Variants in ROBO2 observed in about 807,000 individuals in gnomAD.
ROBO2 encodes the protein roundabout guidance receptor 2.
A neutral mutation model predicts 160.8 loss-of-function variants in ROBO2; 53 were observed. The ratio of observed to expected loss-of-function variants is 0.33; its 90% CI spans 0.26 to 0.41. The LOEUF (loss-of-function observed/expected upper bound fraction) is 0.41. Among genes scored for constraint, ROBO2 ranks in the 10% least tolerant of loss-of-function variants. The pLI is 1.00. For missense variants in ROBO2, 1,577 were observed against 1,722.4 expected, an observed-to-expected ratio of 0.92 and a Z score of 1.49; for synonymous variants, 664 against 611.7, an observed-to-expected ratio of 1.09 and a Z score of -1.26.
intron 2 of ROBO2, among the ~76,000 whole-genome samples, chr3:76,867,524 C>T (rs1311313986): frequency 6.6e-6 from 1 of 152,116 alleles, no homozygotes; most frequent in East Asian, 1.9e-4. Context: ...ATTGCTAAAG[C>T]TCAATTTGGG....
intron 2 of ROBO2, among the ~76,000 whole-genome samples, chr3:75,973,745 G>T (rs1282717285): frequency 6.6e-6 from 1 of 151,640 alleles, no homozygotes; most frequent in African/African-American, 2.4e-5. Flanking sequence ...GAAATGAAAG[G>T]AGCTAAGTAG....
At chr3:76,018,373 G>C (rs2066465652) in intron 2 of ROBO2, among the ~76,000 whole-genome samples, 1 of 151,822 alleles carries the variant, frequency 6.6e-6, no homozygotes, top group African/African-American at 2.4e-5. Flanking sequence ...CACATATTAA[G>C]TATATAAGAA....
At chr3:76,194,544 A>G (rs1010346234) in intron 2 of ROBO2, among the ~76,000 whole-genome samples, 1 of 151,690 alleles carries the variant, frequency 6.6e-6, no homozygotes, top group Non-Finnish European at 1.5e-5. Context: ...GTTTTATGTA[A>G]TAAACTCTAT....
chr3:76,010,013 A>G (rs1208947073), intron 2 of ROBO2, among the ~76,000 whole-genome samples: 10 of 152,196 alleles, frequency 6.6e-5, no homozygotes, highest in East Asian at 1.9e-4. Context: ...TAATTTCTCA[A>G]TGGCATTCAA....
At chr3:77,594,844 T>C (rs2094260925) in intron 17 of ROBO2, among the ~76,000 whole-genome samples, 1 of 152,198 alleles carries the variant, frequency 6.6e-6, no homozygotes, top group East Asian at 1.9e-4. Context: ...GATCTTGCAA[T>C]ACCACTATAT....
chr3:76,143,335 TG>T (rs1351269785), intron 2 of ROBO2, among the ~76,000 whole-genome samples: 1 of 152,076 alleles, frequency 6.6e-6, no homozygotes, highest in Non-Finnish European at 1.5e-5. Flanking sequence ...CTGACTTAGC[TG>T]GGCATTTAAA....
intron 2 of ROBO2, among the ~76,000 whole-genome samples, chr3:77,001,899 T>C (rs1442283232): frequency 6.6e-6 from 1 of 152,144 alleles, no homozygotes; most frequent in African/African-American, 2.4e-5. Flanking sequence ...CTATCTTCTT[T>C]TATGTGTTTC....
At chr3:76,231,440 T>C (rs1704616310) in intron 2 of ROBO2, among the ~76,000 whole-genome samples, 2 of 152,194 alleles carry the variant, frequency 1.3e-5, no homozygotes, top group Admixed American at 1.3e-4. Context: ...CCTTGCCTGA[T>C]AGGTATACCG....
chr3:76,526,670 A>G (rs933582127), intron 2 of ROBO2, among the ~76,000 whole-genome samples: 1 of 151,982 alleles, frequency 6.6e-6, no homozygotes, highest in Non-Finnish European at 1.5e-5. Context: ...GCAGGGTGGT[A>G]AAGATATATT....
rs556319462 is a variant in ROBO2, at chr3:77,252,578, C to T, written c.388+154238C>T. 5.3e-5 allele frequency among the ~76,000 whole-genome samples: 8 copies of T among 151,284 alleles called. No individual in the cohort carries two copies. The East Asian group carries it at 1.2e-3, about 22-fold the overall frequency. ...ATCCCAGCACTTTGGGAGGCCGAGG[C>T]GGGCAGATCATGAGGTCAGGAGATG... On this transcript the variant is annotated intron_variant, in intron 2 of 25. Coordinates refer to ENST00000461745, the Ensembl canonical transcript of ROBO2.
At chr3:76,815,432 G>T (rs2065578710) in intron 2 of ROBO2, among the ~76,000 whole-genome samples, 1 of 149,436 alleles carries the variant, frequency 6.7e-6, no homozygotes. Context: ...AAGAAACACT[G>T]TCCAGAAAAA....
intron 2 of ROBO2, among the ~76,000 whole-genome samples, chr3:77,473,295 T>TAAGAAG (rs1224974153): frequency 6.6e-6 from 1 of 151,690 alleles, no homozygotes; most frequent in African/African-American, 2.4e-5. Context: ...AAAAAAATAA[T>TAAGAAG]AATAAGAAGA....
chr3:77,314,956 G>A (rs1330265460), intron 2 of ROBO2, among the ~76,000 whole-genome samples: 2 of 152,032 alleles, frequency 1.3e-5, no homozygotes, highest in East Asian at 3.9e-4. Context: ...AATCTACTTG[G>A]AAGTTTCGTA....
intron 2 of ROBO2, among the ~76,000 whole-genome samples, chr3:76,382,828 G>C (rs1419659589): frequency 6.6e-6 from 1 of 152,140 alleles, no homozygotes; most frequent in African/African-American, 2.4e-5. Flanking sequence ...ACTGAAAAAG[G>C]CCAAAGCATC....
chr3:76,215,362 C>T (rs139206599), intron 2 of ROBO2, among the ~76,000 whole-genome samples: 2,763 of 152,068 alleles, frequency 0.018, 37 homozygotes, highest in Non-Finnish European at 0.027. Flanking sequence ...CAAACTACTC[C>T]GATCTAAAGG....
chr3:76,883,324 C>T lies in ROBO2; in HGVS notation c.110-214690C>T, dbSNP rs3884328. 9.4e-3 allele frequency among the ~76,000 whole-genome samples: 1,427 copies of T among 152,200 alleles called. 13 individuals carry two copies. Among genetic ancestry groups the T allele is most frequent in the Middle Eastern group, 0.02 (6 of 294 alleles). On this transcript the variant is annotated intron_variant, in intron 2 of 26. Coordinates refer to the ROBO2 transcript ENST00000487694. Reference sequence around the variant, plus strand: ...ATCAGCATGTAAAAAATCTTTAAATCTCATTGAAACCTATTCTTAATTATT... The same window carrying T: ...ATCAGCATGTAAAAAATCTTTAAATTTCATTGAAACCTATTCTTAATTATT...
intron 2 of ROBO2, among the ~76,000 whole-genome samples, chr3:76,991,643 C>A (rs903645981): frequency 2.6e-5 from 4 of 152,140 alleles, no homozygotes; most frequent in African/African-American, 7.2e-5. Flanking sequence ...AAAAAGTATT[C>A]TTTACCATAG....
chr3:76,316,833 C>A (rs1404134212), intron 2 of ROBO2, among the ~76,000 whole-genome samples: 1 of 152,142 alleles, frequency 6.6e-6, no homozygotes, highest in African/African-American at 2.4e-5. Flanking sequence ...AATTTATGTT[C>A]CTCGGCCGCG....
chr3:76,884,285 T>A (rs1047306113), intron 2 of ROBO2, among the ~76,000 whole-genome samples: 3 of 152,224 alleles, frequency 2.0e-5, no homozygotes, highest in African/African-American at 7.2e-5. Flanking sequence ...AAATTGTTAA[T>A]ATTTTATGTG....
Sources: allele counts gnomAD v4.1 joint callset (sites outside exome capture counted in the v4.1 genomes callset), GRCh38; gene constraint gnomAD v4.1.1; transcripts MANE v1.5; gene names NCBI Gene and HGNC (gene_info 2026-07-23, HGNC 2026-07-21).